The following NBEA variants were observed in gnomAD, a reference collection of about 807,000 sequenced individuals.
The protein encoded by NBEA is lysosomal-trafficking regulator 2.
In NBEA, 44 loss-of-function variants were observed where a neutral mutation model predicts 343.4. That is an observed-to-expected ratio of 0.13 (90% CI 0.10 to 0.16). NBEA has a LOEUF of 0.16. Among genes scored for constraint, NBEA ranks in the 10% least tolerant of loss-of-function variants. The pLI is 1.00. For missense variants in NBEA, 2,555 were observed against 3,631.3 expected, an observed-to-expected ratio of 0.70 and a Z score of 7.62; for synonymous variants, 1,175 against 1,238.7, an observed-to-expected ratio of 0.95 and a Z score of 1.08.
In NBEA at chr13:35,070,120, G is replaced by A. The variant is rs2152573954; in HGVS notation, c.1437+15G>A. The A allele has an allele frequency of 6.8e-7, 1 of 1,468,582 alleles. No individual in the cohort carries two copies. Among genetic ancestry groups the A allele is most frequent in the Non-Finnish European group, 9.1e-7 (1 of 1,099,874 alleles). The allele number at this position is 1,468,582 out of a possible 1,614,324, so 91.0% of individuals were successfully genotyped here. On this transcript the variant is annotated intron_variant, in intron 9 of 58. Coordinates refer to ENST00000379939, the MANE Select transcript of NBEA (RefSeq NM_001385012.1). ...TAATGCTTCAGGTGGGTGAATCGTGGCTTTGTTTTCATGTTCTTGTCAGAA... is the reference window on the plus strand; with the variant it reads ...TAATGCTTCAGGTGGGTGAATCGTGACTTTGTTTTCATGTTCTTGTCAGAA...
chr13:35,085,596 G>A (rs1253853025), intron 10 of NBEA, among the ~76,000 whole-genome samples: 1 of 152,052 alleles, frequency 6.6e-6, no homozygotes, highest in East Asian at 1.9e-4. Flanking sequence ...AATAATAAGA[G>A]CTATTTATGA....
chr13:34,969,395 CTTTTA>C (rs574698445), intron 1 of NBEA, among the ~76,000 whole-genome samples: 84 of 146,416 alleles, frequency 5.7e-4, no homozygotes, highest in African/African-American at 1.2e-3. Flanking sequence ...TATTTTTTAA[CTTTTA>C]TTTTAAGTTC....
chr13:35,351,685 T>C lies in NBEA; in HGVS notation c.6013-472T>C, dbSNP rs76919383. On this transcript the variant is annotated intron_variant, in intron 37 of 58. Coordinates refer to ENST00000379939, the MANE Select transcript of NBEA (RefSeq NM_001385012.1). ...TTTGCATATTTTGTGAATTAAAATC[T>C]AGGTCTACTGAATTCCTAAATGACC... Among the ~76,000 whole-genome samples, 581 of 152,124 alleles carry C rather than the reference T, an allele frequency of 3.8e-3. 2 individuals are homozygous for C. Among genetic ancestry groups the C allele is most frequent in the African/African-American group, 0.013 (535 of 41,576 alleles).
At chr13:35,048,819 T>C in intron 5 of NBEA, 135 bp downstream of exon 5, 1 of 497,522 alleles carries the variant, frequency 2.0e-6, no homozygotes, top group Non-Finnish European at 3.5e-6. Flanking sequence ...GAAGACACTG[T>C]AAATCAGTTT....
At chr13:35,169,784 A>G (rs1418642268) in intron 25 of NBEA, among the ~76,000 whole-genome samples, 1 of 151,776 alleles carries the variant, frequency 6.6e-6, no homozygotes, top group African/African-American at 2.4e-5. Flanking sequence ...GCTCTTTCTT[A>G]TGAGCTATGA....
At chr13:35,584,149 G>A in intron 46 of NBEA, 111 bp downstream of exon 46, 1 of 1,099,390 alleles carries the variant, frequency 9.1e-7, no homozygotes. Context: ...TTAGAGACGA[G>A]TGAAGTAGAA....
At chr13:35,659,933 C>G (rs1429061767) in intron 55 of NBEA, among the ~76,000 whole-genome samples, 1 of 152,166 alleles carries the variant, frequency 6.6e-6, no homozygotes, top group Non-Finnish European at 1.5e-5. Flanking sequence ...TTGGAAGCAG[C>G]CTACTGCATG....
intron 34 of NBEA, among the ~76,000 whole-genome samples, chr13:35,240,918 T>G (rs1199877991): frequency 2.0e-5 from 3 of 151,812 alleles, no homozygotes; most frequent in Non-Finnish European, 4.4e-5. Context: ...GCAGTTTACT[T>G]ATTAATATTT....
intron 35 of NBEA, among the ~76,000 whole-genome samples, chr13:35,296,053 A>G (rs1246278506): frequency 1.3e-5 from 2 of 152,170 alleles, no homozygotes; most frequent in Non-Finnish European, 2.9e-5. Flanking sequence ...TTATAGAGGT[A>G]ATAGTTTATG....
intron 49 of NBEA, among the ~76,000 whole-genome samples, chr13:35,639,602 T>C (rs1304769603): frequency 6.6e-6 from 1 of 152,192 alleles, no homozygotes; most frequent in African/African-American, 2.4e-5. Flanking sequence ...TTAAAAGCCT[T>C]GTAAGTAAGA....
At chr13:35,225,601 T>C (rs919485519) in intron 33 of NBEA, among the ~76,000 whole-genome samples, 2 of 152,146 alleles carry the variant, frequency 1.3e-5, no homozygotes, top group Admixed American at 6.6e-5. Flanking sequence ...CTGGGCATCG[T>C]TGCAAACGCC....
chr13:35,314,012 G>A (rs1032932913), intron 36 of NBEA, among the ~76,000 whole-genome samples: 2 of 152,050 alleles, frequency 1.3e-5, no homozygotes, highest in African/African-American at 2.4e-5. Flanking sequence ...GGGAAAGAAG[G>A]CAATATTGAC....
intron 39 of NBEA, among the ~76,000 whole-genome samples, chr13:35,432,625 G>A (rs192449468): frequency 6.6e-6 from 1 of 151,316 alleles, no homozygotes; most frequent in East Asian, 1.9e-4. Context: ...GAGCTAAATG[G>A]ACTTCACATA....
chr13:34,986,381 T>C (rs1343854324), intron 1 of NBEA, among the ~76,000 whole-genome samples: 2 of 151,196 alleles, frequency 1.3e-5, no homozygotes, highest in East Asian at 1.9e-4. Context: ...CTAGTTTGAT[T>C]GCACTGTGGT....
chr13:35,544,296 GA>G (rs888998443), intron 41 of NBEA, among the ~76,000 whole-genome samples: 10 of 151,600 alleles, frequency 6.6e-5, no homozygotes, highest in South Asian at 4.2e-4. Context: ...CGTATTCAAA[GA>G]AAAAAAATTT....
chr13:35,668,484 T>C lies in NBEA; in HGVS notation c.8778T>C (p.Ala2926=). 6.2e-7 allele frequency: 1 copy of C among 1,612,628 alleles called. No homozygotes were observed. The highest frequency in any genetic ancestry group is 8.5e-7 in the Non-Finnish European group (1 of 1,179,308). Residue 2926 remains alanine (A), a synonymous_variant, in exon 58 of 59, where the codon GCT becomes GCC. Transcript: ENST00000379939. ...TGTACATTTACCCTGGATGTGATGC[T>C]GGCATTAGAGCAATGGACTTGTCCC... is the stretch of plus-strand genomic sequence containing the variant. ...KQLYIYPGCD[A]GIRAMDLSHD... is the part of the protein sequence containing the mutation.
chr13:35,311,246 A>G (rs2037344651), intron 36 of NBEA, among the ~76,000 whole-genome samples: 2 of 152,018 alleles, frequency 1.3e-5, no homozygotes, highest in South Asian at 4.1e-4. Flanking sequence ...AAGGCTAATC[A>G]TTGTCATTTA....
chr13:35,357,488 C>T (rs2040556561), intron 38 of NBEA, among the ~76,000 whole-genome samples: 1 of 151,892 alleles, frequency 6.6e-6, no homozygotes, highest in Admixed American at 6.6e-5. Context: ...TGTGTTGTTC[C>T]CCTCTATATG....
At chr13:35,323,394 G>T (rs942587812) in intron 36 of NBEA, among the ~76,000 whole-genome samples, 31 of 152,132 alleles carry the variant, frequency 2.0e-4, no homozygotes, top group African/African-American at 7.0e-4. Flanking sequence ...ATAAAAAAAT[G>T]ATGAGTTCAT....
Sources: gnomAD v4.1 joint callset for allele counts (sites outside exome capture counted in the v4.1 genomes callset) on GRCh38, gnomAD v4.1.1 for gene constraint, MANE v1.5 for transcripts, NCBI Gene and HGNC (gene_info 2026-07-23, HGNC 2026-07-21) for gene names.